CSMD1: variants seen among roughly 807,000 people sequenced by gnomAD.
CSMD1 encodes the protein CUB and Sushi multiple domains 1, also known as CUB and sushi domain-containing protein 1.
In CSMD1, 213 loss-of-function variants were observed where a neutral mutation model predicts 417.5. The observed-to-expected ratio is 0.51, with a 90% CI of 0.46 to 0.57. The LOEUF (loss-of-function observed/expected upper bound fraction) is 0.57, where lower values mean the gene tolerates loss of function less well. Ranked by LOEUF, CSMD1 falls within the 20% of genes least tolerant of loss-of-function variation. The probability of loss-of-function intolerance (pLI) is 0.00; values close to 1 mark genes in which losing one functional copy is unlikely to be tolerated. For synonymous variants in CSMD1, 2,862 were observed against 1,736.8 expected (o/e 1.65, Z -16.11); for missense variants, 6,923 against 4,529.7 (o/e 1.53, Z -15.17).
chr8:3,635,734 C>T (rs1410924130), intron 7 of CSMD1, among the ~76,000 whole-genome samples: 16 of 146,766 alleles, frequency 1.1e-4, no homozygotes, highest in South Asian at 2.1e-4. Flanking sequence ...CTGCCCGCCT[C>T]GGCCTCCCGA....
intron 4 of CSMD1, among the ~76,000 whole-genome samples, chr8:4,014,932 G>A (rs1796448393): frequency 6.6e-6 from 1 of 152,172 alleles, no homozygotes; most frequent in South Asian, 2.1e-4. Flanking sequence ...CCTGTTACAA[G>A]ATTGTATGGG....
chr8:4,510,556 C>T (rs1421208762), intron 2 of CSMD1, among the ~76,000 whole-genome samples: 1 of 150,468 alleles, frequency 6.6e-6, no homozygotes, highest in Non-Finnish European at 1.5e-5. Context: ...TCTTCCCTTC[C>T]CTCTTCCCTT....
intron 5 of CSMD1, among the ~76,000 whole-genome samples, chr8:3,836,782 A>T (rs1203826687): frequency 1.3e-5 from 2 of 152,102 alleles, no homozygotes; most frequent in African/African-American, 4.8e-5. Flanking sequence ...GCACAATCTT[A>T]GTGTTTTATT....
At chr8:4,022,348 T>G (rs185067686) in intron 4 of CSMD1, among the ~76,000 whole-genome samples, 1 of 152,022 alleles carries the variant, frequency 6.6e-6, no homozygotes. Context: ...CAGAAGTGAA[T>G]AGCATACTTA....
At position 4,951,937 on chromosome 8, in the gene CSMD1, C is replaced by G. The variant is rs570824262; in HGVS notation, c.85+42395G>C. On this transcript the variant is annotated intron_variant, in intron 1 of 69. Transcript: ENST00000635120. Reference sequence around the variant, plus strand: ...ATTTAGAAAAAAAAATTATTTTTTCCCCTAGGCCTGAAACTGGTGACTCCT... The same window carrying G: ...ATTTAGAAAAAAAAATTATTTTTTCGCCTAGGCCTGAAACTGGTGACTCCT... Among the ~76,000 whole-genome samples, 61 of 151,134 alleles carry G rather than the reference C, an allele frequency of 4.0e-4. 2 individuals carry two copies. The East Asian group carries it at 7.2e-3, about 18-fold the overall frequency.
intron 2 of CSMD1, among the ~76,000 whole-genome samples, chr8:4,617,815 C>G (rs1801560670): frequency 6.6e-6 from 1 of 152,092 alleles, no homozygotes; most frequent in South Asian, 2.1e-4. Context: ...TTTTATCTCC[C>G]TCCTCCATGA....
chr8:4,006,515 C>G (rs897544152), intron 4 of CSMD1, among the ~76,000 whole-genome samples: 1 of 152,028 alleles, frequency 6.6e-6, no homozygotes, highest in Non-Finnish European at 1.5e-5. Flanking sequence ...CTGCACTTGG[C>G]CTGAGCGACA....
intron 7 of CSMD1, among the ~76,000 whole-genome samples, chr8:3,632,348 C>G (rs1214583208): frequency 1.3e-5 from 2 of 149,774 alleles, no homozygotes; most frequent in Non-Finnish European, 2.9e-5. Context: ...GCCCTGACAC[C>G]CCCCCATCCC....
chr8:3,785,333 G>A (rs1799399662), intron 5 of CSMD1, among the ~76,000 whole-genome samples: 1 of 152,130 alleles, frequency 6.6e-6, no homozygotes, highest in Non-Finnish European at 1.5e-5. Context: ...AAATGCCCCG[G>A]GCAAGGCCTC....
intron 7 of CSMD1, among the ~76,000 whole-genome samples, chr8:3,634,804 G>C (rs1015374789): frequency 3.9e-5 from 6 of 152,140 alleles, no homozygotes; most frequent in Admixed American, 3.3e-4. Flanking sequence ...TGTGTCCTGA[G>C]AAATGCTTCC....
chr8:4,386,688 G>A (rs1463052859), intron 3 of CSMD1, among the ~76,000 whole-genome samples: 1 of 152,234 alleles, frequency 6.6e-6, no homozygotes, highest in African/African-American at 2.4e-5. Context: ...CTTGCAGAAT[G>A]TATTGCAGAC....
rs868207444 is a variant in CSMD1, at chr8:4,651,234, A to C, written c.86-13676T>G. Among the ~76,000 whole-genome samples, 7 of 152,222 alleles carry C rather than the reference A, an allele frequency of 4.6e-5. No homozygotes were observed. In the South Asian group the frequency reaches 1.0e-3, roughly 23 times the overall value. On this transcript the variant is annotated intron_variant, in intron 1 of 69. Coordinates refer to ENST00000635120, the MANE Select transcript of CSMD1 (RefSeq NM_033225.6). The stretch of plus-strand genomic sequence containing the variant: ...CTTAAGAATATTAAATACCTGGCAA[A>C]CAGCAAGAGGACAGTTTTATAAATC...
intron 5 of CSMD1, among the ~76,000 whole-genome samples, chr8:3,766,519 T>G (rs1798277185): frequency 6.6e-6 from 1 of 152,052 alleles, no homozygotes; most frequent in African/African-American, 2.4e-5. Flanking sequence ...CCTATAATAC[T>G]TGGACATTTG....
At position 4,637,499 on chromosome 8, in the gene CSMD1, G is replaced by T. The variant is rs1802893517; in HGVS notation, c.145C>A (p.Pro49Thr). Residue 49 changes from proline to threonine, a missense_variant, in exon 2 of 70, where the codon CCT (proline) becomes ACT (threonine). Pro to Thr is a conservative substitution (Grantham distance 38). Transcript: ENST00000635120. Reference sequence around the variant, plus strand: ...TTGGCATAGTTCGGATACCCGTGAGGAAACCCTGGGCTCTCAATAGTGCCA... The same window carrying T: ...TTGGCATAGTTCGGATACCCGTGAGTAAACCCTGGGCTCTCAATAGTGCCA... Reference protein sequence around the residue: ...PNGTIESPGFPHGYPNYANCT... With the variant: ...PNGTIESPGFTHGYPNYANCT... The T allele has an allele frequency of 6.2e-7, 1 of 1,613,844 alleles. No homozygotes were observed. Among genetic ancestry groups the T allele is most frequent in the Non-Finnish European group, 8.5e-7 (1 of 1,179,868 alleles).
chr8:3,696,069 T>C (rs868133319), intron 7 of CSMD1, among the ~76,000 whole-genome samples: 1 of 152,236 alleles, frequency 6.6e-6, no homozygotes, highest in East Asian at 1.9e-4. Flanking sequence ...GATTTTCTTA[T>C]GGGGGACAGG....
intron 3 of CSMD1, among the ~76,000 whole-genome samples, chr8:4,047,961 C>T (rs1181930365): frequency 6.6e-6 from 1 of 152,028 alleles, no homozygotes; most frequent in Non-Finnish European, 1.5e-5. Context: ...CATGTTGAGT[C>T]CTTAGGCCTT....
At chr8:3,361,335 AAT>A (rs1809153295) in intron 20 of CSMD1, among the ~76,000 whole-genome samples, 1 of 152,086 alleles carries the variant, frequency 6.6e-6, no homozygotes, top group Non-Finnish European at 1.5e-5. Context: ...TTTCTTTAAA[AAT>A]AGTTGAAAAC....
intron 3 of CSMD1, among the ~76,000 whole-genome samples, chr8:4,034,806 G>T (rs375745860): frequency 1.3e-5 from 2 of 152,070 alleles, no homozygotes; most frequent in Admixed American, 6.5e-5. Flanking sequence ...ATTCTTCTTA[G>T]AAGGCACACA....
chr8:3,859,311 T>C (rs1017060885), intron 5 of CSMD1, among the ~76,000 whole-genome samples: 1 of 152,336 alleles, frequency 6.6e-6, no homozygotes, highest in African/African-American at 2.4e-5. Flanking sequence ...GCAACCTACA[T>C]TCGCTCGGCC....
Sources: allele counts gnomAD v4.1 joint callset (sites outside exome capture counted in the v4.1 genomes callset), GRCh38; gene constraint gnomAD v4.1.1; transcripts MANE v1.5; gene names NCBI Gene and HGNC (gene_info 2026-07-23, HGNC 2026-07-21).